FHIP1A: variants seen among roughly 807,000 people sequenced by gnomAD.
FHIP1A encodes the protein FHF complex subunit HOOK interacting protein 1A, also known as FHF complex subunit HOOK-interacting protein 1A.
FHIP1A carries 61 observed loss-of-function variants against 88.6 expected under a neutral mutation model. That is an observed-to-expected ratio of 0.69 (90% confidence interval 0.56 to 0.85). The LOEUF (loss-of-function observed/expected upper bound fraction) is 0.85, where lower values mean the gene tolerates loss of function less well. Among genes scored for constraint, FHIP1A ranks in the 40% least tolerant of loss-of-function variants. The pLI is 0.00. For synonymous variants in FHIP1A, 478 were observed against 496.0 expected (o/e 0.96, Z 0.48); for missense variants, 1,154 against 1,273.5 (o/e 0.91, Z 1.43).
At chr4:151,577,427 A>T in intron 4 of FHIP1A, 23 bp from the exon 5 acceptor site, 1 of 1,499,210 alleles carries the variant, frequency 6.7e-7, no homozygotes, top group Non-Finnish European at 8.9e-7. Context: ...CAGATGGATG[A>T]CAAATGCTTG....
At chr4:151,581,552 T>C (rs935180212) in intron 5 of FHIP1A, among the ~76,000 whole-genome samples, 3 of 152,204 alleles carry the variant, frequency 2.0e-5, no homozygotes, top group African/African-American at 7.2e-5. Flanking sequence ...ATCATTAAAG[T>C]TGGAGGGAAA....
chr4:151,506,616 G>C (rs1362636974), intron 3 of FHIP1A, among the ~76,000 whole-genome samples: 1 of 152,048 alleles, frequency 6.6e-6, no homozygotes, highest in Non-Finnish European at 1.5e-5. Context: ...GGAGTACCGG[G>C]CTTTTTTTAA....
intron 3 of FHIP1A, among the ~76,000 whole-genome samples, chr4:151,520,885 G>A (rs1731421204): frequency 6.6e-6 from 1 of 152,192 alleles, no homozygotes; most frequent in African/African-American, 2.4e-5. Context: ...AGAACTTAGT[G>A]TTCTCCATGG....
chr4:151,482,010 C>A (rs1729913859), intron 2 of FHIP1A, among the ~76,000 whole-genome samples: 1 of 152,024 alleles, frequency 6.6e-6, no homozygotes, highest in African/African-American at 2.4e-5. Context: ...TGTCTAAGAC[C>A]AAAGTAGACT....
At chr4:151,548,383 G>T (rs1304970462) in intron 3 of FHIP1A, among the ~76,000 whole-genome samples, 1 of 152,178 alleles carries the variant, frequency 6.6e-6, no homozygotes, top group Non-Finnish European at 1.5e-5. Context: ...ATAAGGCTGA[G>T]ACCTGCTGGG....
chr4:151,519,618 C>G (rs1158727542), intron 3 of FHIP1A, among the ~76,000 whole-genome samples: 1 of 151,952 alleles, frequency 6.6e-6, no homozygotes, highest in Non-Finnish European at 1.5e-5. Context: ...TACACATCCA[C>G]ATTTATATAT....
intron 3 of FHIP1A, among the ~76,000 whole-genome samples, chr4:151,521,335 T>G (rs184503374): frequency 6.6e-6 from 1 of 152,336 alleles, no homozygotes; most frequent in Admixed American, 6.5e-5. Flanking sequence ...TTTAATAATT[T>G]TTTTCATATT....
chr4:151,514,250 A>G (rs2126682212), intron 3 of FHIP1A, among the ~76,000 whole-genome samples: 1 of 152,262 alleles, frequency 6.6e-6, no homozygotes, highest in South Asian at 2.1e-4. Flanking sequence ...GTTCTTTGAA[A>G]CCAATGAGAA....
chr4:151,420,860 C>A (rs1320666146), intron 1 of FHIP1A, among the ~76,000 whole-genome samples: 1 of 152,230 alleles, frequency 6.6e-6, no homozygotes, highest in East Asian at 1.9e-4. Flanking sequence ...GAGCCCATGG[C>A]AGAAATGTCT....
At chr4:151,536,265 A>G (rs548656369) in intron 3 of FHIP1A, among the ~76,000 whole-genome samples, 3 of 152,336 alleles carry the variant, frequency 2.0e-5, no homozygotes, top group Admixed American at 2.0e-4. Flanking sequence ...GGCTATTGAC[A>G]TTGATACAGT....
chr4:151,576,992 A>G (rs1414350322), intron 4 of FHIP1A: 1 of 153,564 alleles, frequency 6.5e-6, no homozygotes, highest in Non-Finnish European at 1.4e-5. Context: ...AAAATTTAAG[A>G]ATTTGTCACG....
At chr4:151,414,493 A>G (rs1241314847) in intron 1 of FHIP1A, among the ~76,000 whole-genome samples, 1 of 152,176 alleles carries the variant, frequency 6.6e-6, no homozygotes, top group Non-Finnish European at 1.5e-5. Flanking sequence ...TTTGTTGTTA[A>G]TTCTGTAATT....
At chr4:151,546,107 C>T (rs765307538) in intron 3 of FHIP1A, among the ~76,000 whole-genome samples, 10 of 152,246 alleles carry the variant, frequency 6.6e-5, no homozygotes, top group Middle Eastern at 3.4e-3. Context: ...AATCTGCTGG[C>T]GGCCCAGGTA....
intron 3 of FHIP1A, among the ~76,000 whole-genome samples, chr4:151,537,804 T>C (rs2126722351): frequency 6.6e-6 from 1 of 152,328 alleles, no homozygotes; most frequent in Non-Finnish European, 1.5e-5. Context: ...TATTGTTTTT[T>C]CCTTTTTCAT....
intron 1 of FHIP1A, among the ~76,000 whole-genome samples, chr4:151,423,470 G>A (rs915005673): frequency 2.0e-5 from 3 of 152,148 alleles, no homozygotes; most frequent in Non-Finnish European, 2.9e-5. Context: ...AGTGGAAAGA[G>A]AATGCAATTT....
chr4:151,436,405 A>G (rs1470968493), intron 1 of FHIP1A: 1 of 152,216 alleles, frequency 6.6e-6, no homozygotes, highest in Non-Finnish European at 1.5e-5. Context: ...ATCTTAAAAC[A>G]GATCGTGTTT....
intron 10 of FHIP1A, among the ~76,000 whole-genome samples, chr4:151,647,257 A>G (rs906187452): frequency 2.0e-5 from 3 of 152,216 alleles, no homozygotes; most frequent in Non-Finnish European, 4.4e-5. Flanking sequence ...AGGGGTTATG[A>G]TACTTGGTGC....
chr4:151,589,011 A>G, intron 7 of FHIP1A, 85 bp downstream of exon 7: 1 of 939,850 alleles, frequency 1.1e-6, no homozygotes, highest in Non-Finnish European at 1.7e-6. Flanking sequence ...AATTGATTTG[A>G]TGGTGATTTT....
intron 3 of FHIP1A, among the ~76,000 whole-genome samples, chr4:151,516,594 C>G (rs1439695507): frequency 6.6e-6 from 1 of 152,036 alleles, no homozygotes; most frequent in Non-Finnish European, 1.5e-5. Context: ...TGAACTCAAA[C>G]AAATTTACAA....
Sources: allele counts gnomAD v4.1 joint callset (sites outside exome capture counted in the v4.1 genomes callset), GRCh38; gene constraint gnomAD v4.1.1; transcripts MANE v1.5; gene names NCBI Gene and HGNC (gene_info 2026-07-23, HGNC 2026-07-21).